PACRG: variants seen among roughly 807,000 people sequenced by gnomAD.
PACRG encodes the protein parkin coregulated.
PACRG carries 29 observed loss-of-function variants against 29.7 expected under a neutral mutation model. The observed-to-expected ratio is 0.98, with a 90% CI of 0.73 to 1.33. The LOEUF (loss-of-function observed/expected upper bound fraction) is 1.33, where lower values mean the gene tolerates loss of function less well. Among genes scored for constraint, PACRG ranks in the 40% most tolerant of loss-of-function variants. The pLI, the probability that PACRG is intolerant of heterozygous loss-of-function variation, is 0.00. For missense variants in PACRG, 279 were observed against 316.2 expected (o/e 0.88, Z 0.89); for synonymous variants, 116 against 118.7 (o/e 0.98, Z 0.15).
chr6:162,791,250 G>T (rs1784909404), intron 1 of PACRG, among the ~76,000 whole-genome samples: 1 of 151,778 alleles, frequency 6.6e-6, no homozygotes, highest in South Asian at 2.1e-4. Flanking sequence ...AGCTGAAAAT[G>T]GGGGTTTTTG....
At chr6:163,126,483 G>C (rs146658850) in intron 4 of PACRG, among the ~76,000 whole-genome samples, 594 of 152,184 alleles carry the variant, frequency 3.9e-3, no homozygotes, top group Middle Eastern at 0.01. Context: ...ATTTATGAGG[G>C]CATTTACAAA....
intron 4 of PACRG, among the ~76,000 whole-genome samples, chr6:163,194,871 C>A (rs1780376411): frequency 1.3e-5 from 2 of 152,022 alleles, no homozygotes; most frequent in South Asian, 4.2e-4. Context: ...CCCTTCCCAC[C>A]TCCTTCACTC....
chr6:162,892,132 G>C (rs948123141), intron 2 of PACRG: 4 of 152,336 alleles, frequency 2.6e-5, no homozygotes, highest in Non-Finnish European at 5.9e-5. Flanking sequence ...AGTCTGGTCA[G>C]CCAACTTCAG....
At chr6:163,304,781 A>T (rs1396477786) in intron 4 of PACRG, among the ~76,000 whole-genome samples, 1 of 152,210 alleles carries the variant, frequency 6.6e-6, no homozygotes, top group African/African-American at 2.4e-5. Flanking sequence ...AGGAGGTCCC[A>T]CTGTGGAGGA....
At chr6:163,187,677 A>G (rs1227165721) in intron 4 of PACRG, 2 of 152,174 alleles carry the variant, frequency 1.3e-5, no homozygotes, top group African/African-American at 4.8e-5. Flanking sequence ...TCTCACCTCC[A>G]TGGTGTATCA....
intron 4 of PACRG, among the ~76,000 whole-genome samples, chr6:163,262,873 C>G (rs184569581): frequency 9.4e-5 from 14 of 148,544 alleles, no homozygotes; most frequent in East Asian, 2.0e-4. Context: ...GAGACCCCCC[C>G]CCCCATGTCA....
chr6:163,224,237 C>T lies in PACRG; in HGVS notation c.614-90590C>T, dbSNP rs1399251689. Among the ~76,000 whole-genome samples the T allele has an allele frequency of 2.0e-5, 3 of 151,806 alleles. No individual in the cohort carries two copies. The East Asian group carries it at 5.8e-4, about 30-fold the overall frequency. ...TACAAAAATTAGCCAGGCACAGTGACAGGCACCTGTAATCCCAGCTACTCA... is the reference window on the plus strand; with the variant it reads ...TACAAAAATTAGCCAGGCACAGTGATAGGCACCTGTAATCCCAGCTACTCA... On this transcript the variant is annotated intron_variant, in intron 4 of 4. Coordinates refer to ENST00000366888, the MANE Select transcript of PACRG (RefSeq NM_001080379.2).
intron 2 of PACRG, among the ~76,000 whole-genome samples, chr6:163,010,853 C>T (rs558135317): frequency 2.2e-4 from 33 of 152,120 alleles, no homozygotes; most frequent in African/African-American, 3.1e-4. Context: ...AACAATAACC[C>T]GAGAGGCTGT....
intron 4 of PACRG, among the ~76,000 whole-genome samples, chr6:163,273,738 ATATATTTCAC>A (rs1783925275): frequency 1.3e-5 from 2 of 152,040 alleles, no homozygotes; most frequent in South Asian, 4.1e-4. Context: ...ATATTGGCTC[ATATATTTCAC>A]TACATTTTTG....
chr6:162,933,820 C>T (rs933456251), intron 2 of PACRG, among the ~76,000 whole-genome samples: 3 of 152,010 alleles, frequency 2.0e-5, no homozygotes, highest in East Asian at 1.9e-4. Flanking sequence ...GATTGGATTT[C>T]TGGCAAGGGC....
intron 2 of PACRG, among the ~76,000 whole-genome samples, chr6:162,888,028 G>A (rs1794481553): frequency 2.0e-5 from 3 of 152,158 alleles, no homozygotes; most frequent in African/African-American, 4.8e-5. Context: ...CGCTTCCAAA[G>A]ATGGTGCCTT....
At chr6:162,783,541 T>G (rs758604978) in intron 1 of PACRG, among the ~76,000 whole-genome samples, 1 of 152,048 alleles carries the variant, frequency 6.6e-6, no homozygotes, top group Non-Finnish European at 1.5e-5. Flanking sequence ...TAGTTTACAT[T>G]ATAATTTTTT....
chr6:163,180,521 G>A (rs1779603649), intron 4 of PACRG, among the ~76,000 whole-genome samples: 2 of 152,146 alleles, frequency 1.3e-5, no homozygotes, highest in African/African-American at 4.8e-5. Flanking sequence ...CAGCACTTCG[G>A]GAGGCTGAGG....
intron 2 of PACRG, among the ~76,000 whole-genome samples, chr6:162,902,515 C>T (rs773459564): frequency 1.8e-4 from 28 of 152,160 alleles, no homozygotes; most frequent in Non-Finnish European, 4.0e-4. Flanking sequence ...TCTAATTTAT[C>T]ACTTTGTAGT....
rs1055280042 is a variant in PACRG, at chr6:163,185,731, G to T, written c.613+96323G>T. Among the ~76,000 whole-genome samples the T allele has an allele frequency of 2.6e-5, 4 of 152,132 alleles. No individual in the cohort carries two copies. In the South Asian group the frequency reaches 8.3e-4, roughly 32 times the overall value. On this transcript the variant is annotated intron_variant, in intron 4 of 4. Transcript: ENST00000366888. The stretch of plus-strand genomic sequence containing the variant: ...TGTGGTGGGCATGAACTTCACAGGG[G>T]CATAATTGAAGGCCAAAATTAAATG...
At chr6:162,948,754 GACAA>G (rs1799431877) in intron 2 of PACRG, among the ~76,000 whole-genome samples, 1 of 152,034 alleles carries the variant, frequency 6.6e-6, no homozygotes, top group South Asian at 2.1e-4. Context: ...CTCAAAAAAG[GACAA>G]ACAAATGGCC....
chr6:163,135,158 A>G (rs1363509249), intron 4 of PACRG, among the ~76,000 whole-genome samples: 1 of 150,790 alleles, frequency 6.6e-6, no homozygotes, highest in East Asian at 1.9e-4. Flanking sequence ...TGAGATCTGT[A>G]TTTCTACATG....
At chr6:163,300,270 G>A (rs1034515951) in intron 4 of PACRG, among the ~76,000 whole-genome samples, 10 of 152,226 alleles carry the variant, frequency 6.6e-5, no homozygotes, top group Admixed American at 2.6e-4. Flanking sequence ...TGCAGATGAC[G>A]TTGAATTTGG....
chr6:162,781,459 A>C (rs905480442), intron 1 of PACRG, among the ~76,000 whole-genome samples: 11 of 151,924 alleles, frequency 7.2e-5, no homozygotes, highest in Admixed American at 2.0e-4. Flanking sequence ...AGAAATGGAA[A>C]CTATAAGAGT....
Sources: gnomAD v4.1 joint callset for allele counts (sites outside exome capture counted in the v4.1 genomes callset) on GRCh38, gnomAD v4.1.1 for gene constraint, MANE v1.5 for transcripts, NCBI Gene and HGNC (gene_info 2026-07-23, HGNC 2026-07-21) for gene names.